The following SEC23IP variants were observed in gnomAD, a reference collection of about 807,000 sequenced individuals.
SEC23IP encodes SEC23 interacting protein.
Under a neutral mutation model 113.4 loss-of-function variants are expected in SEC23IP, and 70 were observed. The ratio of observed to expected loss-of-function variants is 0.62; its 90% CI spans 0.51 to 0.75. The LOEUF is 0.75. SEC23IP is among the 30% of genes least tolerant of loss of function. The pLI, the probability that SEC23IP is intolerant of heterozygous loss-of-function variation, is 0.00. For synonymous variants in SEC23IP, 398 were observed against 421.0 expected, an observed-to-expected ratio of 0.95 and a Z score of 0.67; for missense variants, 1,160 against 1,204.9, an observed-to-expected ratio of 0.96 and a Z score of 0.55.
chr10:119,902,089 G>A (rs1407504109), intron 2 of SEC23IP, among the ~76,000 whole-genome samples: 1 of 152,154 alleles, frequency 6.6e-6, no homozygotes, highest in Non-Finnish European at 1.5e-5. Flanking sequence ...GGGTGTGGTG[G>A]CTCACACCTG....
At chr10:119,905,425 G>A (rs1854631253) in intron 4 of SEC23IP, among the ~76,000 whole-genome samples, 1 of 152,166 alleles carries the variant, frequency 6.6e-6, no homozygotes, top group African/African-American at 2.4e-5. Context: ...TTATATGGGT[G>A]ACATAGACTT....
intron 15 of SEC23IP, among the ~76,000 whole-genome samples, chr10:119,931,126 A>G (rs1589848767): frequency 6.6e-6 from 1 of 152,136 alleles, no homozygotes; most frequent in African/African-American, 2.4e-5. Context: ...GAAAAAGTGA[A>G]GGAGCAGGGA....
At position 119,918,024 on chromosome 10, in the gene SEC23IP, C is replaced by G. The variant is rs1328424445; in HGVS notation, c.1733C>G (p.Ser578Cys). 6.2e-7 allele frequency: 1 copy of G among 1,613,792 alleles called. No homozygotes were observed. The highest frequency in any genetic ancestry group is 8.5e-7 in the Non-Finnish European group (1 of 1,179,782). Residue 578 changes from serine (S) to cysteine (C), a missense_variant, in exon 9 of 19, where the codon TCT (serine) becomes TGT (cysteine). Coordinates refer to ENST00000369075, the MANE Select transcript of SEC23IP (RefSeq NM_007190.4). ...AACCCAGACTTCAAAGGAGGTGTCT[C>G]TGTTGCTGGTCACAGTTTAGGTAAA... ...SRNPDFKGGV[S>C]VAGHSLGSLI...
chr10:119,910,780 C>T (rs1854830939), intron 5 of SEC23IP, among the ~76,000 whole-genome samples: 1 of 152,086 alleles, frequency 6.6e-6, no homozygotes, highest in Non-Finnish European at 1.5e-5. Flanking sequence ...ACTCTGGGCT[C>T]AAGGGATCCT....
intron 16 of SEC23IP, 51 bp downstream of exon 16, chr10:119,932,369 T>C: frequency 7.2e-7 from 1 of 1,394,634 alleles, no homozygotes. Context: ...CATATGAACA[T>C]AATACTTAAA....
At chr10:119,895,256 C>T (rs1013007256) in intron 1 of SEC23IP, among the ~76,000 whole-genome samples, 17 of 152,042 alleles carry the variant, frequency 1.1e-4, no homozygotes, top group Admixed American at 1.3e-4. Context: ...TGGTGGTGGG[C>T]GCCTGTAATC....
intron 4 of SEC23IP, among the ~76,000 whole-genome samples, chr10:119,906,346 G>C (rs1185010435): frequency 6.9e-6 from 1 of 145,080 alleles, no homozygotes; most frequent in Admixed American, 6.9e-5. Context: ...TATCATAAAA[G>C]ATGTCAATTC....
chr10:119,894,487 A>G (rs1185879733), intron 1 of SEC23IP, among the ~76,000 whole-genome samples: 1 of 152,200 alleles, frequency 6.6e-6, no homozygotes, highest in Non-Finnish European at 1.5e-5. Context: ...AAGACCATGA[A>G]AGCAAAAACT....
chr10:119,916,763 C>T (rs1855065599), intron 8 of SEC23IP, among the ~76,000 whole-genome samples: 1 of 152,096 alleles, frequency 6.6e-6, no homozygotes, highest in Non-Finnish European at 1.5e-5. Context: ...AATCTTCCCT[C>T]TTTAAAAATA....
At chr10:119,902,409 G>C (rs549744041) in intron 2 of SEC23IP, among the ~76,000 whole-genome samples, 1 of 152,146 alleles carries the variant, frequency 6.6e-6, no homozygotes, top group Non-Finnish European at 1.5e-5. Context: ...TTCTGTAAAG[G>C]TGTTAGTTTA....
chr10:119,939,802 C>T (rs1328011253), intron 18 of SEC23IP, among the ~76,000 whole-genome samples: 1 of 152,020 alleles, frequency 6.6e-6, no homozygotes, highest in East Asian at 1.9e-4. Context: ...CTCAAGCGAT[C>T]CTCCTAACTT....
At chr10:119,929,288 C>T (rs377292549) in intron 13 of SEC23IP, among the ~76,000 whole-genome samples, 12 of 151,898 alleles carry the variant, frequency 7.9e-5, no homozygotes, top group African/African-American at 2.7e-4. Context: ...GGCTGGAGTG[C>T]GGTGGTGTGA....
At position 119,929,616 on chromosome 10, in the gene SEC23IP, G is replaced by T; in HGVS notation, c.2323G>T (p.Ala775Ser). 3.7e-6 allele frequency: 6 copies of T among 1,608,848 alleles called. No homozygotes were observed. Among genetic ancestry groups the T allele is most frequent in the Non-Finnish European group, 5.1e-6 (6 of 1,175,808 alleles). ...ATTTGATTCTTTCCAGGTTTCTGTT[G>T]CTTACAACTCATTAGATTTTGAACC... ...FEVGAGQVSV[A>S]YNSLDFEPEI... is the part of the protein sequence containing the mutation. Residue 775 changes from alanine to serine, a missense_variant, in exon 14 of 19, where the codon GCT becomes TCT. By Grantham distance (99) the Ala-to-Ser change is moderately conservative. Transcript: ENST00000369075.
rs755774777 is a variant in SEC23IP at position 119,909,029 on chromosome 10, C to T, written c.1102-12C>T. The T allele has an allele frequency of 6.4e-7, 1 of 1,567,090 alleles. No homozygotes were observed. The highest frequency in any genetic ancestry group is 1.2e-5 in the South Asian group (1 of 86,764). On this transcript the variant is annotated splice_polypyrimidine_tract_variant and intron_variant, in intron 4 of 18. Transcript: ENST00000369075. Reference sequence around the variant, plus strand: ...TGTCATGTTGGAATATATGTTGTTTCCCCCATTATAGGCTGAATATAAAAA... The same window carrying T: ...TGTCATGTTGGAATATATGTTGTTTTCCCCATTATAGGCTGAATATAAAAA...
At chr10:119,912,005 T>C in intron 5 of SEC23IP, 39 bp from the exon 6 acceptor site, 2 of 1,611,074 alleles carry the variant, frequency 1.2e-6, no homozygotes, top group South Asian at 2.2e-5. Context: ...GAAAAGAATT[T>C]GTTAATGAGC....
chr10:119,921,261 A>G (rs932918539), intron 12 of SEC23IP, among the ~76,000 whole-genome samples: 1 of 152,210 alleles, frequency 6.6e-6, no homozygotes, highest in African/African-American at 2.4e-5. Context: ...TGGTGCAAAC[A>G]GTGGTTAAGT....
In SEC23IP at chr10:119,943,683, G is replaced by T. The variant is rs998345316; in HGVS notation, c.*3118G>T. ...AGAACACTGAAAATAATGTCATGTT[G>T]TTAACACCAGTGGGAGTTTGGGAAA... On this transcript the variant is annotated 3_prime_UTR_variant, in exon 19 of 19. Transcript: ENST00000369075. 1.3e-5 allele frequency: 2 copies of T among 152,210 alleles called. No homozygotes were observed. The highest frequency in any genetic ancestry group is 2.4e-5 in the African/African-American group (1 of 41,450). 9.4% of individuals were successfully genotyped at this position (152,210 alleles called of 1,614,324 possible).
intron 18 of SEC23IP, among the ~76,000 whole-genome samples, chr10:119,937,328 A>G (rs1215596212): frequency 6.6e-6 from 1 of 152,028 alleles, no homozygotes; most frequent in African/African-American, 2.4e-5. Flanking sequence ...GCATGTTTTA[A>G]AAATACGTAG....
chr10:119,911,158 A>T (rs1394136681), intron 5 of SEC23IP, among the ~76,000 whole-genome samples: 1 of 151,884 alleles, frequency 6.6e-6, no homozygotes, highest in East Asian at 1.9e-4. Context: ...TTGTCACTGA[A>T]ATTGAAATTG....
Sources: gnomAD v4.1 joint callset for allele counts (sites outside exome capture counted in the v4.1 genomes callset) on GRCh38, gnomAD v4.1.1 for gene constraint, MANE v1.5 for transcripts, NCBI Gene and HGNC (gene_info 2026-07-23, HGNC 2026-07-21) for gene names.